The following PCDH11X variants were observed in gnomAD, a reference collection of about 807,000 sequenced individuals.
PCDH11X encodes protocadherin-11 X-linked.
PCDH11X carries 18 observed loss-of-function variants against 53.3 expected under a neutral mutation model. The ratio of observed to expected loss-of-function variants is 0.34; its 90% CI spans 0.23 to 0.50. The LOEUF (loss-of-function observed/expected upper bound fraction) is 0.50, where lower values mean the gene tolerates loss of function less well. PCDH11X is among the 20% of genes least tolerant of loss of function. PCDH11X has a pLI of 0.98. For missense variants in PCDH11X, 570 were observed against 1,032.4 expected (o/e 0.55, Z 6.14); for synonymous variants, 279 against 393.3 (o/e 0.71, Z 3.44).
chrX:91,925,279 T>C (rs1235991014), intron 6 of PCDH11X, among the ~76,000 whole-genome samples: 2 of 110,538 alleles, frequency 1.8e-5, no homozygotes, highest in African/African-American at 6.6e-5. Flanking sequence ...ATTAAAAAAG[T>C]TTAATATATC....
intron 7 of PCDH11X, among the ~76,000 whole-genome samples, chrX:92,204,738 G>A (rs990982642): frequency 1.8e-5 from 2 of 111,886 alleles, no homozygotes; most frequent in East Asian, 2.8e-4. Flanking sequence ...GTATTAGTCC[G>A]TTCTCACGCT....
chrX:92,285,725 C>G (rs903195913), intron 8 of PCDH11X, among the ~76,000 whole-genome samples: 2 of 110,809 alleles, frequency 1.8e-5, no homozygotes, highest in African/African-American at 6.6e-5. Flanking sequence ...TTGCTGAGAC[C>G]AGCTCGGTCA....
At chrX:91,988,785 CA>C (rs2062267137) in intron 6 of PCDH11X, among the ~76,000 whole-genome samples, 1 of 111,682 alleles carries the variant, frequency 9.0e-6, no homozygotes, top group African/African-American at 3.3e-5. Flanking sequence ...GGACACAGAC[CA>C]GTGCAGATCC....
At chrX:91,862,222 G>A (rs1938713450) in intron 5 of PCDH11X, among the ~76,000 whole-genome samples, 2 of 110,609 alleles carry the variant, frequency 1.8e-5, no homozygotes, top group African/African-American at 3.3e-5. Flanking sequence ...TAAAGCTATC[G>A]GGTCCCAGGC....
At chrX:92,010,150 T>G (rs2147978064) in intron 6 of PCDH11X, among the ~76,000 whole-genome samples, 1 of 111,268 alleles carries the variant, frequency 9.0e-6, no homozygotes, top group South Asian at 3.8e-4. Context: ...GAAAAATGAA[T>G]ATGATAGGAA....
chrX:92,278,469 A>C (rs1352583831), intron 8 of PCDH11X, among the ~76,000 whole-genome samples: 1 of 111,097 alleles, frequency 9.0e-6, no homozygotes, highest in African/African-American at 3.3e-5. Flanking sequence ...AGAGTCAGTG[A>C]AGGGAGATAG....
At chrX:92,187,613 A>C (rs1277751303) in intron 6 of PCDH11X, among the ~76,000 whole-genome samples, 2 of 111,634 alleles carry the variant, frequency 1.8e-5, no homozygotes, top group Non-Finnish European at 3.8e-5. Context: ...AATATAAGAA[A>C]ATTATTACGT....
intron 8 of PCDH11X, among the ~76,000 whole-genome samples, chrX:92,348,093 C>T (rs2069947091): frequency 9.0e-6 from 1 of 111,141 alleles, no homozygotes; most frequent in Non-Finnish European, 1.9e-5. Flanking sequence ...TTCCACCAAA[C>T]TCTGGCATTT....
chrX:92,421,427 C>T (rs1277116002), intron 9 of PCDH11X, among the ~76,000 whole-genome samples: 1 of 111,875 alleles, frequency 8.9e-6, no homozygotes, highest in Non-Finnish European at 1.9e-5. Context: ...TACGTTTCTG[C>T]AAAGAACATG....
At chrX:92,142,638 C>G (rs1168103027) in intron 6 of PCDH11X, among the ~76,000 whole-genome samples, 1 of 110,852 alleles carries the variant, frequency 9.0e-6, no homozygotes, top group African/African-American at 3.3e-5. Flanking sequence ...TCAGCTACTA[C>G]TTGTGAATTA....
chrX:92,518,428 G>A (rs2074304833), intron 10 of PCDH11X, among the ~76,000 whole-genome samples: 1 of 111,703 alleles, frequency 9.0e-6, no homozygotes, highest in Non-Finnish European at 1.9e-5. Context: ...TACATACTCT[G>A]TAAACTCAAT....
intron 10 of PCDH11X, among the ~76,000 whole-genome samples, chrX:92,563,220 A>T (rs1475906379): frequency 9.4e-6 from 1 of 106,716 alleles, no homozygotes; most frequent in Non-Finnish European, 1.9e-5. Context: ...TCATGGTCAA[A>T]GGCAATGGGG....
chrX:92,068,330 T>C (rs932856723), intron 6 of PCDH11X, among the ~76,000 whole-genome samples: 1 of 110,622 alleles, frequency 9.0e-6, no homozygotes, highest in Non-Finnish European at 1.9e-5. Context: ...CTGCTTTTGC[T>C]GTATTCCAAA....
intron 10 of PCDH11X, among the ~76,000 whole-genome samples, chrX:92,590,642 C>T (rs1175803028): frequency 2.7e-5 from 3 of 111,811 alleles, no homozygotes; most frequent in African/African-American, 9.8e-5. Flanking sequence ...CTGGCCCTAT[C>T]ACAGGGATTT....
chrX:92,288,160 T>C (rs1267323937), intron 8 of PCDH11X, among the ~76,000 whole-genome samples: 3 of 111,263 alleles, frequency 2.7e-5, no homozygotes, highest in Non-Finnish European at 5.7e-5. Context: ...CTGCATTTAA[T>C]GTATCACTAT....
At chrX:92,241,370 G>A (rs2067259000) in intron 7 of PCDH11X, among the ~76,000 whole-genome samples, 1 of 111,734 alleles carries the variant, frequency 8.9e-6, no homozygotes, top group African/African-American at 3.2e-5. Context: ...CAAAGAAATG[G>A]TGTGCAACGA....
intron 6 of PCDH11X, among the ~76,000 whole-genome samples, chrX:91,910,846 A>T (rs1438339029): frequency 9.0e-6 from 1 of 111,437 alleles, no homozygotes; most frequent in Non-Finnish European, 1.9e-5. Context: ...AATTGGTTCC[A>T]TTAATAATAC....
At chrX:92,279,026 G>T (rs2068184354) in intron 8 of PCDH11X, among the ~76,000 whole-genome samples, 2 of 110,569 alleles carry the variant, frequency 1.8e-5, no homozygotes, top group African/African-American at 6.6e-5. Context: ...GGTCAGGCTG[G>T]TCTCGAACTC....
At chrX:92,519,871 G>A (rs1159307441) in intron 10 of PCDH11X, among the ~76,000 whole-genome samples, 2 of 109,325 alleles carry the variant, frequency 1.8e-5, no homozygotes, top group South Asian at 3.9e-4. Flanking sequence ...GATAACAATA[G>A]TATCAATAGC....
Sources: gnomAD v4.1 joint callset for allele counts (sites outside exome capture counted in the v4.1 genomes callset) on GRCh38, gnomAD v4.1.1 for gene constraint, MANE v1.5 for transcripts, NCBI Gene and HGNC (gene_info 2026-07-23, HGNC 2026-07-21) for gene names.